TSC22D3: variants seen among roughly 807,000 people sequenced by gnomAD.
TSC22D3 encodes the protein TSC22 domain family member 3.
In TSC22D3, 4 loss-of-function variants were observed where a neutral mutation model predicts 11.1. The ratio of observed to expected loss-of-function variants is 0.36; its 90% confidence interval spans 0.18 to 0.83. The LOEUF (loss-of-function observed/expected upper bound fraction) is 0.83, where lower values mean the gene tolerates loss of function less well. Among genes scored for constraint, TSC22D3 ranks in the 40% least tolerant of loss-of-function variants. The pLI is 0.48. For missense variants in TSC22D3, 118 were observed against 159.4 expected (o/e 0.74, Z 1.40); for synonymous variants, 77 against 70.3 (o/e 1.10, Z -0.48).
At chrX:107,753,687 G>A (rs1442769450) in intron 1 of TSC22D3, among the ~76,000 whole-genome samples, 2 of 111,467 alleles carry the variant, frequency 1.8e-5, no homozygotes, top group Admixed American at 1.9e-4. Flanking sequence ...AAGACACACA[G>A]AAATGACTTC....
intron 1 of TSC22D3, 182 bp downstream of exon 1, chrX:107,774,918 C>T: frequency 1.2e-5 from 6 of 495,469 alleles, no homozygotes; most frequent in Non-Finnish European, 2.0e-5. Flanking sequence ...CTTGCACCTG[C>T]CAGTCCTCCC....
intron 1 of TSC22D3, among the ~76,000 whole-genome samples, chrX:107,744,835 T>C (rs1928581124): frequency 8.9e-6 from 1 of 112,147 alleles, no homozygotes; most frequent in Non-Finnish European, 1.9e-5. Flanking sequence ...CCCATCTCTC[T>C]AACTTGACCC....
At position 107,714,672 on chromosome X, in the gene TSC22D3, C is replaced by T. The variant is rs763258172; in HGVS notation, c.450G>A (p.Val150=). ...EILKEQIREL[V]EKNSQLEREN... The stretch of plus-strand genomic sequence containing the variant: ...CACGCTCTAGCTGGGAGTTCTTCTC[C>T]ACCAGCTCTCGGATCTGCTCCTTCA... The change falls in exon 3 of 3, where the codon GTG becomes GTA. Residue 150 remains valine, a synonymous_variant. Coordinates refer to ENST00000372383, the MANE Select transcript of TSC22D3 (RefSeq NM_198057.3). The T allele has an allele frequency of 5.0e-6, 6 of 1,209,885 alleles. No individual in the cohort carries two copies. In the African/African-American group the frequency reaches 1.1e-4, roughly 21 times the overall value.
rs146788626 is a variant in TSC22D3, at chrX:107,721,694, A to C, written c.321-5744T>G. Reference sequence around the variant, plus strand: ...ATGCGAGAGGTGCGGGAGAAGCCACAAAGCAAACACTGGGTTAGGAGCTGG... The same window carrying C: ...ATGCGAGAGGTGCGGGAGAAGCCACCAAGCAAACACTGGGTTAGGAGCTGG... On this transcript the variant is annotated intron_variant, in intron 1 of 2. Transcript: ENST00000372383. 1.1e-3 allele frequency among the ~76,000 whole-genome samples: 124 copies of C among 112,165 alleles called. 1 individual carries two copies. In the East Asian group the frequency reaches 0.03, roughly 27 times the overall value.
Position 107,775,580 on chromosome X carries a change from C to T in TSC22D3, c.-161G>A, listed in dbSNP as rs1930101651. 2.3e-6 allele frequency: 1 copy of T among 435,428 alleles called. No homozygotes were observed. Among genetic ancestry groups the T allele is most frequent in the Non-Finnish European group, 3.9e-6 (1 of 254,115 alleles). The allele number at this position is 435,428 out of a possible 1,213,427, so 35.9% of individuals were successfully genotyped here. A position where few individuals can be genotyped will look rare whatever the true frequency, so the allele number is the denominator to read the frequency against. ...CTAAAGCCAGCCACCTTCGGCTCGGCCCCCTTCTGGCTGTACTGCTCCGGG... is the reference window on the plus strand; with the variant it reads ...CTAAAGCCAGCCACCTTCGGCTCGGTCCCCTTCTGGCTGTACTGCTCCGGG... On this transcript the variant is annotated 5_prime_UTR_variant, in exon 1 of 3. Transcript: ENST00000372383.
intron 1 of TSC22D3, among the ~76,000 whole-genome samples, chrX:107,729,779 A>C (rs1393595795): frequency 8.9e-6 from 1 of 112,462 alleles, no homozygotes; most frequent in East Asian, 2.8e-4. Flanking sequence ...CCAGCAGTGT[A>C]TTTTCATCTT....
chrX:107,762,803 T>C (rs1285855265), intron 1 of TSC22D3, among the ~76,000 whole-genome samples: 1 of 106,978 alleles, frequency 9.3e-6, no homozygotes, highest in Non-Finnish European at 1.9e-5. Flanking sequence ...GAGTTGTGAC[T>C]TTTCTTATAT....
At chrX:107,732,528 C>T (rs1927935906) in intron 1 of TSC22D3, among the ~76,000 whole-genome samples, 1 of 111,608 alleles carries the variant, frequency 9.0e-6, no homozygotes, top group African/African-American at 3.3e-5. Flanking sequence ...AAGATGTTCT[C>T]CCTTTCCTTC....
intron 1 of TSC22D3, among the ~76,000 whole-genome samples, chrX:107,749,623 A>G (rs747762364): frequency 2.7e-5 from 3 of 111,647 alleles, no homozygotes; most frequent in African/African-American, 6.5e-5. Flanking sequence ...AGAAAATCCA[A>G]TTTATAAAAC....
At chrX:107,742,281 A>AAG (rs764889060) in intron 1 of TSC22D3, among the ~76,000 whole-genome samples, 1,097 of 56,748 alleles carry the variant, frequency 0.019, 16 homozygotes, top group East Asian at 0.043. Flanking sequence ...GAGAGAGAGA[A>AAG]AGAGAGAGAG....
intron 1 of TSC22D3, among the ~76,000 whole-genome samples, chrX:107,758,234 C>T (rs1228107193): frequency 9.1e-6 from 1 of 110,046 alleles, no homozygotes; most frequent in East Asian, 2.9e-4. Context: ...CACACTTTGC[C>T]CAGCAGTGTA....
chrX:107,742,281 A>AAGAGAGAGAGAGAGAGAGAG (rs764889060), intron 1 of TSC22D3, among the ~76,000 whole-genome samples: 14 of 56,814 alleles, frequency 2.5e-4, no homozygotes, highest in African/African-American at 9.5e-4. Flanking sequence ...GAGAGAGAGA[A>AAGAGAGAGAGAGAGAGAGAG]AGAGAGAGAG....
chrX:107,751,391 T>C (rs1275758345), intron 1 of TSC22D3, among the ~76,000 whole-genome samples: 1 of 111,460 alleles, frequency 9.0e-6, no homozygotes, highest in Non-Finnish European at 1.9e-5. Context: ...CTGAGGGGCC[T>C]AGAGGGGAAC....
intron 1 of TSC22D3, among the ~76,000 whole-genome samples, chrX:107,755,965 G>A (rs1929157521): frequency 8.9e-6 from 1 of 111,817 alleles, no homozygotes; most frequent in African/African-American, 3.3e-5. Flanking sequence ...TGCTAATCTG[G>A]AGTGTTGAGT....
At position 107,751,100 on chromosome X, in the gene TSC22D3, C is replaced by T. The variant is rs142991160; in HGVS notation, c.320+24000G>A. On this transcript the variant is annotated intron_variant, in intron 1 of 2. Coordinates refer to ENST00000372383, the MANE Select transcript of TSC22D3 (RefSeq NM_198057.3). ...CTGCTCCAGAGACATGTTTGCTGTG[C>T]CAAGGCTGAGCAGGAAATGGGTAAC... Among the ~76,000 whole-genome samples the T allele has an allele frequency of 8.7e-4, 97 of 111,864 alleles. 2 individuals are homozygous for T. The highest frequency in any genetic ancestry group is 5.9e-3 in the East Asian group (21 of 3,574).
chrX:107,727,403 C>A (rs1217785059), intron 1 of TSC22D3, among the ~76,000 whole-genome samples: 1 of 112,449 alleles, frequency 8.9e-6, no homozygotes, highest in Non-Finnish European at 1.9e-5. Flanking sequence ...CTCTATGCTG[C>A]TAGATCCGCA....
At chrX:107,753,623 C>A (rs1419242859) in intron 1 of TSC22D3, among the ~76,000 whole-genome samples, 1 of 111,665 alleles carries the variant, frequency 9.0e-6, no homozygotes, top group Admixed American at 9.5e-5. Flanking sequence ...TACGCAGACC[C>A]CTTAGGTCTT....
intron 1 of TSC22D3, among the ~76,000 whole-genome samples, chrX:107,743,850 C>T (rs1281827021): frequency 3.6e-5 from 4 of 111,863 alleles, no homozygotes; most frequent in Admixed American, 1.9e-4. Context: ...GGGGAACAAA[C>T]CCAGGTCTGT....
chrX:107,775,397 C>A lies in TSC22D3; in HGVS notation c.23G>T (p.Cys8Phe). 8.4e-7 allele frequency: 1 copy of A among 1,192,596 alleles called. No homozygotes were observed. The highest frequency in any genetic ancestry group is 1.1e-6 in the Non-Finnish European group (1 of 885,563). The change falls in exon 1 of 3, where the codon TGC becomes TTC. Residue 8 changes from cysteine (C) to phenylalanine (F), a missense_variant. Coordinates refer to ENST00000372383, the MANE Select transcript of TSC22D3 (RefSeq NM_198057.3). The stretch of plus-strand genomic sequence containing the variant: ...GCAGTCGAGGCCGACAGGTGAGCGG[C>A]AATCGAGCTTGGACTGGGCCATCTT... MAQSKLDCRSPVGLDCCN... is the reference protein window; with the variant it reads MAQSKLDFRSPVGLDCCN...
Sources: gnomAD v4.1 joint callset for allele counts (sites outside exome capture counted in the v4.1 genomes callset) on GRCh38, gnomAD v4.1.1 for gene constraint, MANE v1.5 for transcripts, NCBI Gene and HGNC (gene_info 2026-07-23, HGNC 2026-07-21) for gene names.